Variants in ZC3H12B observed in about 807,000 individuals in gnomAD.
The protein encoded by ZC3H12B is probable ribonuclease ZC3H12B.
In ZC3H12B, 7 loss-of-function variants were observed where a neutral mutation model predicts 43.9. The ratio of observed to expected loss-of-function variants is 0.16; its 90% confidence interval spans 0.09 to 0.30. The LOEUF (loss-of-function observed/expected upper bound fraction) is 0.30. Among genes scored for constraint, ZC3H12B ranks in the 10% least tolerant of loss-of-function variants. The pLI is 1.00. For synonymous variants in ZC3H12B, 222 were observed against 241.7 expected (o/e 0.92, Z 0.76); for missense variants, 475 against 670.2 (o/e 0.71, Z 3.22).
At chrX:65,056,922 T>C in the ZC3H12B span, among the ~76,000 whole-genome samples, 2 of 111,923 alleles carry the variant, frequency 1.8e-5, no homozygotes, top group Non-Finnish European at 1.9e-5. Flanking sequence ...TGCCTTTTTT[T>C]GTTTTCCATT....
the ZC3H12B span, among the ~76,000 whole-genome samples, chrX:65,057,646 G>A: frequency 1.8e-5 from 2 of 111,778 alleles, no homozygotes; most frequent in Non-Finnish European, 3.8e-5. Context: ...CTAGATTGGG[G>A]AAGTTCTCCT....
chrX:65,151,657 C>T, the ZC3H12B span, among the ~76,000 whole-genome samples: 2 of 110,952 alleles, frequency 1.8e-5, no homozygotes, highest in African/African-American at 3.3e-5. Context: ...TGAATACAAA[C>T]GAGGGACTTG....
intron 3 of ZC3H12B, among the ~76,000 whole-genome samples, chrX:65,438,826 C>A (rs1464284383): frequency 8.8e-6 from 1 of 113,210 alleles, no homozygotes; most frequent in Non-Finnish European, 1.9e-5. Flanking sequence ...AAACCCACAA[C>A]CTTCCAGCTT....
At chrX:65,122,810 G>T in the ZC3H12B span, among the ~76,000 whole-genome samples, 1 of 111,328 alleles carries the variant, frequency 9.0e-6, no homozygotes, top group Non-Finnish European at 1.9e-5. Flanking sequence ...AATGGTAAAG[G>T]GATCAATTCA....
At chrX:65,144,536 C>T in the ZC3H12B span, among the ~76,000 whole-genome samples, 1 of 111,166 alleles carries the variant, frequency 9.0e-6, no homozygotes. Flanking sequence ...GTTCTTGTTT[C>T]TCTAGTTCCT....
At chrX:65,129,694 T>C in the ZC3H12B span, among the ~76,000 whole-genome samples, 73 of 111,052 alleles carry the variant, frequency 6.6e-4, no homozygotes, top group African/African-American at 2.3e-3. Context: ...CTGACATTCC[T>C]GTCTTCTTGT....
the ZC3H12B span, among the ~76,000 whole-genome samples, chrX:65,293,639 G>T: frequency 9.2e-6 from 1 of 108,838 alleles, no homozygotes; most frequent in African/African-American, 3.3e-5. Context: ...AATTTCCCGA[G>T]AAATACATAG....
At chrX:65,077,942 G>A in the ZC3H12B span, among the ~76,000 whole-genome samples, 1 of 111,835 alleles carries the variant, frequency 8.9e-6, no homozygotes, top group Non-Finnish European at 1.9e-5. Flanking sequence ...GTGTTTAGTT[G>A]AATTTAGAGG....
the ZC3H12B span, among the ~76,000 whole-genome samples, chrX:65,058,853 G>A: frequency 4.5e-5 from 5 of 112,270 alleles, no homozygotes; most frequent in South Asian, 3.7e-4. Context: ...GCGAGGCTTC[G>A]TGGGCGTGTG....
the ZC3H12B span, among the ~76,000 whole-genome samples, chrX:65,177,583 T>A: frequency 8.9e-6 from 1 of 112,247 alleles, no homozygotes; most frequent in Non-Finnish European, 1.9e-5. Flanking sequence ...CAGCAAAGTC[T>A]CAGGATACAA....
chrX:65,381,917 C>T (rs1395170060), intron 2 of ZC3H12B, among the ~76,000 whole-genome samples: 4 of 111,843 alleles, frequency 3.6e-5, no homozygotes, highest in Admixed American at 1.9e-4. Flanking sequence ...GAAGTTGAAT[C>T]TCTGAATAGA....
chrX:65,487,761 G>A (rs1259744484), upstream of ZC3H12B, among the ~76,000 whole-genome samples: 1 of 112,418 alleles, frequency 8.9e-6, no homozygotes, highest in Non-Finnish European at 1.9e-5. Context: ...AACCCTTACA[G>A]CCTGCTTCAG....
chrX:65,478,125 T>C (rs946275124), intron 3 of ZC3H12B, among the ~76,000 whole-genome samples: 3 of 111,918 alleles, frequency 2.7e-5, no homozygotes, highest in Non-Finnish European at 3.8e-5. Flanking sequence ...TTTCTTATAA[T>C]CTTTAAGCAT....
At chrX:65,302,421 C>A in the ZC3H12B span, among the ~76,000 whole-genome samples, 5 of 110,682 alleles carry the variant, frequency 4.5e-5, no homozygotes, top group African/African-American at 1.6e-4. Flanking sequence ...ACATTAGCAC[C>A]CAATAAATAA....
the ZC3H12B span, among the ~76,000 whole-genome samples, chrX:65,317,868 T>TAC: frequency 2.9e-5 from 3 of 102,202 alleles, no homozygotes; most frequent in African/African-American, 1.1e-4. Flanking sequence ...TATATATATA[T>TAC]ACATATATAT....
the ZC3H12B span, among the ~76,000 whole-genome samples, chrX:65,129,372 G>T: frequency 9.2e-6 from 1 of 109,163 alleles, no homozygotes; most frequent in Non-Finnish European, 1.9e-5. Context: ...ATTTCACCTG[G>T]GTGCAGGTGG....
At chrX:65,430,849 C>T (rs1346405708) in intron 3 of ZC3H12B, among the ~76,000 whole-genome samples, 1 of 111,242 alleles carries the variant, frequency 9.0e-6, no homozygotes, top group Non-Finnish European at 1.9e-5. Context: ...GGTGGGCCAT[C>T]ACCCCATCCT....
At chrX:65,309,202 A>C in the ZC3H12B span, among the ~76,000 whole-genome samples, 5 of 110,715 alleles carry the variant, frequency 4.5e-5, no homozygotes, top group Non-Finnish European at 9.4e-5. Flanking sequence ...CAATGAATCC[A>C]GGAGCTGTTT....
At chrX:65,154,406 G>A in the ZC3H12B span, among the ~76,000 whole-genome samples, 1 of 111,593 alleles carries the variant, frequency 9.0e-6, no homozygotes, top group South Asian at 3.7e-4. Context: ...GTGTGTTACA[G>A]TTTAGGCATT....
Sources: allele counts gnomAD v4.1 joint callset (sites outside exome capture counted in the v4.1 genomes callset), GRCh38; gene constraint gnomAD v4.1.1; transcripts MANE v1.5; gene names NCBI Gene and HGNC (gene_info 2026-07-23, HGNC 2026-07-21).